Variants in DYNC2H1 observed in about 807,000 individuals in gnomAD.
DYNC2H1 encodes the protein cytoplasmic dynein 2 heavy chain 1.
A neutral mutation model predicts 570.0 loss-of-function variants in DYNC2H1; 410 were observed. The observed-to-expected ratio is 0.72, with a 90% CI of 0.66 to 0.78. The LOEUF (loss-of-function observed/expected upper bound fraction) is 0.78. DYNC2H1 is among the 30% of genes least tolerant of loss of function. The pLI, the probability that DYNC2H1 is intolerant of heterozygous loss-of-function variation, is 0.00. For missense variants in DYNC2H1, 4,865 were observed against 5,046.4 expected, an observed-to-expected ratio of 0.96 and a Z score of 1.09; for synonymous variants, 1,688 against 1,677.6, an observed-to-expected ratio of 1.01 and a Z score of -0.15.
At chr11:103,353,334 A>G (rs551443261) in intron 82 of DYNC2H1, among the ~76,000 whole-genome samples, 1 of 152,230 alleles carries the variant, frequency 6.6e-6, no homozygotes, top group Admixed American at 6.5e-5. Flanking sequence ...TTCTCCAGAT[A>G]TTGGATGTAT....
At position 103,287,607 on chromosome 11, in the gene DYNC2H1, TA is replaced by T. The variant is rs778163373; in HGVS notation, c.11095+4del. 4.3e-6 allele frequency: 7 copies of T among 1,609,642 alleles called. No individual in the cohort carries two copies. The highest frequency in any genetic ancestry group is 8.5e-7 in the Non-Finnish European group (1 of 1,177,926). Reference sequence around the variant, plus strand: ...CTCTTTTTGCATGTAAAACTCTGGGTAAGTGTGATGCTTTTCAAGAACTAGA... The same window carrying T: ...CTCTTTTTGCATGTAAAACTCTGGGTAGTGTGATGCTTTTCAAGAACTAGA... On this transcript the variant is annotated splice_donor_region_variant and intron_variant, in intron 75 of 88. Transcript: ENST00000375735.
At chr11:103,152,758 A>C (rs918180455) in intron 21 of DYNC2H1, among the ~76,000 whole-genome samples, 1 of 152,110 alleles carries the variant, frequency 6.6e-6, no homozygotes, top group Admixed American at 6.6e-5. Context: ...TCTCTAGCGT[A>C]TTGTCCAGGA....
At chr11:103,208,837 C>A (rs1255924653) in intron 52 of DYNC2H1, among the ~76,000 whole-genome samples, 1 of 152,038 alleles carries the variant, frequency 6.6e-6, no homozygotes, top group African/African-American at 2.4e-5. Context: ...CCATTCAACT[C>A]TTTAAAAAGT....
Position 103,155,499 on chromosome 11 carries a change from A to T in DYNC2H1, c.3742A>T (p.Lys1248Ter), listed in dbSNP as rs1304461579. ...AATTGTAGCCAAAGCTGCCGACCTTAAAGTATGAATCACTTTTATAAATAT... is the reference window on the plus strand; with the variant it reads ...AATTGTAGCCAAAGCTGCCGACCTTTAAGTATGAATCACTTTTATAAATAT... ...DTIVAKAADL[K>*]DLNSRAQGEV... Residue 1248 changes from lysine to a stop codon, truncating the protein, a stop_gained and splice_region_variant, in exon 25 of 89, where the codon AAA becomes TAA. Transcript: ENST00000375735. LOFTEE classifies it high-confidence loss of function. The T allele has an allele frequency of 6.2e-7, 1 of 1,605,190 alleles. No individual in the cohort carries two copies. The highest frequency in any genetic ancestry group is 1.7e-5 in the Admixed American group (1 of 58,336).
At position 103,428,202 on chromosome 11, in the gene DYNC2H1, A is replaced by ATTTG. The variant is rs1177489738; in HGVS notation, c.12367-7741_12367-7740insTTTG. On this transcript the variant is annotated intron_variant, in intron 84 of 88. Transcript: ENST00000375735. Reference sequence around the variant, plus strand: ...AACATGAGCTTTTTTTTTTTTTTTCAGAATATCTGAAAGAGAGGAGTAAGG... The same window carrying ATTTG: ...AACATGAGCTTTTTTTTTTTTTTTCATTTGGAATATCTGAAAGAGAGGAGTAAGG... 3.1e-4 allele frequency among the ~76,000 whole-genome samples: 40 copies of ATTTG among 128,184 alleles called. 1 individual carries two copies. Among genetic ancestry groups the ATTTG allele is most frequent in the African/African-American group, 5.0e-4 (15 of 29,760 alleles). The allele number at this position is 128,184 out of a possible 152,430, so 84.1% of individuals were successfully genotyped here. A position where few individuals can be genotyped will look rare whatever the true frequency, so the allele number is the denominator to read the frequency against.
chr11:103,342,971 G>C (rs1156572838), intron 82 of DYNC2H1, among the ~76,000 whole-genome samples: 1 of 152,026 alleles, frequency 6.6e-6, no homozygotes, highest in Non-Finnish European at 1.5e-5. Context: ...TTTTTCCTTA[G>C]AATTTGGGGG....
At chr11:103,142,075 G>T (rs1859972984) in intron 17 of DYNC2H1, among the ~76,000 whole-genome samples, 1 of 152,240 alleles carries the variant, frequency 6.6e-6, no homozygotes, top group African/African-American at 2.4e-5. Context: ...TGTAGTATTA[G>T]GGTGGGATTG....
chr11:103,278,973 C>G (rs1469522120), intron 70 of DYNC2H1, among the ~76,000 whole-genome samples: 2 of 152,158 alleles, frequency 1.3e-5, no homozygotes, highest in Non-Finnish European at 2.9e-5. Context: ...ACAAGGCCTA[C>G]CCAGTCTCAT....
chr11:103,288,264 G>A (rs1227868498), intron 75 of DYNC2H1, among the ~76,000 whole-genome samples: 2 of 152,028 alleles, frequency 1.3e-5, no homozygotes, highest in Non-Finnish European at 2.9e-5. Flanking sequence ...AAAAAGGGCT[G>A]TTATGAATTT....
intron 31 of DYNC2H1, 113 bp downstream of exon 31, chr11:103,166,161 A>C: frequency 1.3e-6 from 1 of 777,116 alleles, no homozygotes; most frequent in Non-Finnish European, 1.8e-6. Flanking sequence ...TTACTCGAGG[A>C]ATTACAACAT....
intron 84 of DYNC2H1, among the ~76,000 whole-genome samples, chr11:103,411,640 A>T (rs1256472083): frequency 6.6e-6 from 1 of 152,114 alleles, no homozygotes; most frequent in African/African-American, 2.4e-5. Context: ...GCTTAATTAT[A>T]TGAAACAATT....
chr11:103,407,175 C>T (rs1243587202), intron 84 of DYNC2H1: 1 of 151,194 alleles, frequency 6.6e-6, no homozygotes, highest in African/African-American at 2.4e-5. Flanking sequence ...TAGTATGAGC[C>T]TAGTATTGTG....
At chr11:103,315,312 C>T (rs779664185) in intron 79 of DYNC2H1, among the ~76,000 whole-genome samples, 17 of 152,004 alleles carry the variant, frequency 1.1e-4, no homozygotes, top group Admixed American at 1.3e-4. Flanking sequence ...TTTTAATTGA[C>T]GAAAACATGG....
chr11:103,302,958 G>A (rs142666115), intron 75 of DYNC2H1, 135 bp from the exon 76 acceptor site: 63 of 595,238 alleles, frequency 1.1e-4, no homozygotes, highest in Middle Eastern at 1.0e-3. Flanking sequence ...TTATTTTAGA[G>A]TAGAAAAACT....
At position 103,243,256 on chromosome 11, in the gene DYNC2H1, TATAGATAGATAGATAGATAGATAG is replaced by T. The variant is rs58016632; in HGVS notation, c.9820-409_9820-386del. Among the ~76,000 whole-genome samples, 8 of 146,606 alleles carry T rather than the reference TATAGATAGATAGATAGATAGATAG, an allele frequency of 5.5e-5. No individual in the cohort carries two copies. The highest frequency in any genetic ancestry group is 1.5e-4 in the African/African-American group (6 of 39,148). ...TTATAGTTTTTATTCAAACAAAGAA[TATAGATAGATAGATAGATAGATAG>T]ATAGATAGATAGATAGATAGATAGA... On this transcript the variant is annotated intron_variant, in intron 63 of 88. Transcript: ENST00000375735. The surrounding 1 kb of genome is among the most constrained non-coding windows in gnomAD (Gnocchi z 4.8).
Position 103,170,503 on chromosome 11 carries a change from C to T in DYNC2H1, c.5151+213C>T, listed in dbSNP as rs1861524494. The stretch of plus-strand genomic sequence containing the variant: ...TATGGCAAAGAAATAATTTTAAATA[C>T]AGAATGAAGATTTATATTACATTGA... On this transcript the variant is annotated intron_variant, in intron 33 of 88. Coordinates refer to ENST00000375735, the MANE Select transcript of DYNC2H1 (RefSeq NM_001377.3). This position sits in a 1 kb window ranked among gnomAD's most constrained non-coding sequence, Gnocchi z 4.8. Among the ~76,000 whole-genome samples the T allele has an allele frequency of 6.6e-6, 1 of 152,030 alleles. No homozygotes were observed. Among genetic ancestry groups the T allele is most frequent in the Non-Finnish European group, 1.5e-5 (1 of 67,994 alleles).
chr11:103,339,889 C>T (rs752032114), intron 82 of DYNC2H1, among the ~76,000 whole-genome samples: 2 of 152,190 alleles, frequency 1.3e-5, no homozygotes, highest in Non-Finnish European at 2.9e-5. Flanking sequence ...CTGTTTGCCC[C>T]CTCTGTGAGC....
intron 83 of DYNC2H1, among the ~76,000 whole-genome samples, chr11:103,359,987 A>G (rs887086984): frequency 1.3e-5 from 2 of 152,178 alleles, no homozygotes; most frequent in South Asian, 4.1e-4. Flanking sequence ...TGGAATGTAG[A>G]TATAGCCCAT....
chr11:103,312,116 C>G (rs999993447), intron 79 of DYNC2H1, 83 bp downstream of exon 79: 73 of 1,450,524 alleles, frequency 5.0e-5, no homozygotes, highest in Non-Finnish European at 5.9e-5. Context: ...CATGGTGGCT[C>G]ATGCCTGTAA....
Sources: allele counts gnomAD v4.1 joint callset (sites outside exome capture counted in the v4.1 genomes callset), GRCh38; gene constraint gnomAD v4.1.1; non-coding constraint Gnocchi (gnomAD v3.1); transcripts MANE v1.5; gene names NCBI Gene and HGNC (gene_info 2026-07-23, HGNC 2026-07-21).